The following ANAPC10 variants were observed in gnomAD, a reference collection of about 807,000 sequenced individuals.
ANAPC10 encodes anaphase-promoting complex subunit 10.
A neutral mutation model predicts 22.0 loss-of-function variants in ANAPC10; 12 were observed. The ratio of observed to expected loss-of-function variants is 0.55; its 90% CI spans 0.35 to 0.88. ANAPC10 has a LOEUF of 0.88. Among genes scored for constraint, ANAPC10 ranks in the 40% least tolerant of loss-of-function variants. The pLI is 0.01. For synonymous variants in ANAPC10, 65 were observed against 69.5 expected (o/e 0.94, Z 0.32); for missense variants, 188 against 220.9 (o/e 0.85, Z 0.94).
intron 1 of ANAPC10, chr4:145,097,505 A>G: frequency 7.8e-7 from 1 of 1,287,220 alleles, no homozygotes; most frequent in Non-Finnish European, 1.0e-6. Context: ...CGTTTCCTTG[A>G]CACCTCCCAT....
At chr4:145,054,474 A>C (rs906225120) in intron 4 of ANAPC10, among the ~76,000 whole-genome samples, 36 of 148,740 alleles carry the variant, frequency 2.4e-4, no homozygotes, top group African/African-American at 8.9e-4. Flanking sequence ...AGGAGAATGG[A>C]GTGAACCCAG....
chr4:145,094,037 G>A (rs560093779), intron 2 of ANAPC10, among the ~76,000 whole-genome samples: 9 of 152,266 alleles, frequency 5.9e-5, no homozygotes, highest in South Asian at 2.1e-4. Context: ...ATTTGGAAGC[G>A]GTCCACAGAA....
chr4:145,026,761 A>C (rs1415425731), intron 4 of ANAPC10, among the ~76,000 whole-genome samples: 1 of 151,142 alleles, frequency 6.6e-6, no homozygotes, highest in East Asian at 1.9e-4. Flanking sequence ...AAGAAGTACA[A>C]GAATTTAAAA....
intron 2 of ANAPC10, among the ~76,000 whole-genome samples, chr4:145,084,478 G>A (rs1024302619): frequency 5.3e-5 from 8 of 152,126 alleles, no homozygotes; most frequent in African/African-American, 1.9e-4. Context: ...AGATCACACA[G>A]ACCAGGGGTG....
intron 4 of ANAPC10, among the ~76,000 whole-genome samples, chr4:144,997,301 T>C (rs1731767993): frequency 6.6e-6 from 1 of 151,472 alleles, no homozygotes; most frequent in African/African-American, 2.4e-5. Flanking sequence ...TTCACCAAGG[T>C]TGATATGAAG....
intron 4 of ANAPC10, among the ~76,000 whole-genome samples, chr4:145,048,400 A>G (rs1455587027): frequency 2.0e-5 from 3 of 152,352 alleles, no homozygotes; most frequent in Non-Finnish European, 4.4e-5. Context: ...TTGTTACCAC[A>G]TGGGTCACAA....
chr4:145,069,411 T>G (rs1171299262), intron 3 of ANAPC10, among the ~76,000 whole-genome samples: 1 of 152,134 alleles, frequency 6.6e-6, no homozygotes, highest in Non-Finnish European at 1.5e-5. Context: ...AATATGAACA[T>G]GCATACAGCA....
chr4:145,020,369 G>A (rs1044369273), intron 4 of ANAPC10, among the ~76,000 whole-genome samples: 10 of 152,082 alleles, frequency 6.6e-5, no homozygotes, highest in African/African-American at 2.2e-4. Flanking sequence ...AAAAGCATTT[G>A]ACAAAATCCA....
Position 145,059,630 on chromosome 4 carries a change from A to G in ANAPC10, c.327+4942T>C, listed in dbSNP as rs1742586331. Among the ~76,000 whole-genome samples the G allele has an allele frequency of 2.0e-5, 3 of 152,136 alleles. No homozygotes were observed. The South Asian group carries it at 6.2e-4, about 31-fold the overall frequency. On this transcript the variant is annotated intron_variant, in intron 4 of 4. Transcript: ENST00000507656. The stretch of plus-strand genomic sequence containing the variant: ...TTAACAAGTTGTTTCTCATATAACA[A>G]TATAGAAATAATTTGAGAACTGTCA...
intron 2 of ANAPC10, among the ~76,000 whole-genome samples, chr4:145,085,004 G>A (rs1560930640): frequency 1.3e-5 from 2 of 152,124 alleles, no homozygotes; most frequent in East Asian, 1.9e-4. Context: ...ATCATGCTTC[G>A]TTCTTTACAC....
intron 4 of ANAPC10, among the ~76,000 whole-genome samples, chr4:145,060,828 G>C (rs1579072640): frequency 6.6e-6 from 1 of 151,576 alleles, no homozygotes; most frequent in African/African-American, 2.4e-5. Flanking sequence ...TAGAATAACA[G>C]AAAAAATAAA....
At chr4:145,004,662 T>C (rs1733076622) in intron 4 of ANAPC10, among the ~76,000 whole-genome samples, 1 of 152,218 alleles carries the variant, frequency 6.6e-6, no homozygotes, top group Admixed American at 6.6e-5. Flanking sequence ...GATCTGCATG[T>C]GTTGAACCAA....
intron 4 of ANAPC10, among the ~76,000 whole-genome samples, chr4:145,031,595 AG>A (rs1179310414): frequency 6.6e-6 from 1 of 152,204 alleles, no homozygotes; most frequent in Non-Finnish European, 1.5e-5. Flanking sequence ...GGTCCAGAAC[AG>A]GAGAAGGCTC....
intron 4 of ANAPC10, among the ~76,000 whole-genome samples, chr4:145,037,968 A>T (rs1738855442): frequency 6.6e-6 from 1 of 150,692 alleles, no homozygotes; most frequent in Non-Finnish European, 1.5e-5. Flanking sequence ...AAAAAAAAAA[A>T]TCCAGTTGAA....
intron 4 of ANAPC10, among the ~76,000 whole-genome samples, chr4:145,027,077 C>T (rs1345438409): frequency 7.7e-6 from 1 of 129,506 alleles, no homozygotes; most frequent in Admixed American, 8.3e-5. Context: ...GATCTTGGCT[C>T]ACTGCAACCT....
intron 3 of ANAPC10, among the ~76,000 whole-genome samples, chr4:145,078,110 C>A (rs548589955): frequency 2.0e-5 from 3 of 152,096 alleles, no homozygotes; most frequent in African/African-American, 7.2e-5. Context: ...TATAATTCTA[C>A]ACCTAGAAAA....
intron 3 of ANAPC10, 38 bp downstream of exon 3, chr4:145,081,622 C>T: frequency 7.7e-7 from 1 of 1,304,582 alleles, no homozygotes; most frequent in African/African-American, 1.5e-5. Context: ...TTGTCTATAA[C>T]CTACAGTAGA....
intron 4 of ANAPC10, among the ~76,000 whole-genome samples, chr4:145,026,945 A>ATATGTGTGTG (rs1287102797): frequency 9.9e-4 from 17 of 17,150 alleles, no homozygotes; most frequent in East Asian, 3.0e-3. Flanking sequence ...ATATATATAT[A>ATATGTGTGTG]TGTGTGTGTG....
At chr4:145,026,922 T>TATATAC (rs1390746415) in intron 4 of ANAPC10, among the ~76,000 whole-genome samples, 44 of 11,392 alleles carry the variant, frequency 3.9e-3, no homozygotes, top group African/African-American at 8.8e-3. Context: ...TATACATACA[T>TATATAC]ATATATATAT....
Sources: gnomAD v4.1 joint callset for allele counts (sites outside exome capture counted in the v4.1 genomes callset) on GRCh38, gnomAD v4.1.1 for gene constraint, MANE v1.5 for transcripts, NCBI Gene and HGNC (gene_info 2026-07-23, HGNC 2026-07-21) for gene names.